Variants in CTIF observed in about 807,000 individuals in gnomAD.
CTIF encodes the protein CBP80/20-dependent translation initiation factor.
A neutral mutation model predicts 66.0 loss-of-function variants in CTIF; 21 were observed. That is an observed-to-expected ratio of 0.32 (90% confidence interval 0.23 to 0.46). The LOEUF (loss-of-function observed/expected upper bound fraction) is 0.46, where lower values mean the gene tolerates loss of function less well. CTIF is among the 20% of genes least tolerant of loss of function. The pLI, the probability that CTIF is intolerant of heterozygous loss-of-function variation, is 1.00. For missense variants in CTIF, 739 were observed against 812.7 expected (o/e 0.91, Z 1.10); for synonymous variants, 345 against 326.4 (o/e 1.06, Z -0.62).
At chr18:48,616,207 G>A (rs1341174625) in intron 1 of CTIF, among the ~76,000 whole-genome samples, 5 of 152,242 alleles carry the variant, frequency 3.3e-5, no homozygotes, top group Admixed American at 1.3e-4. Flanking sequence ...AAGATCTGAC[G>A]TCTTCCAGGA....
intron 9 of CTIF, among the ~76,000 whole-genome samples, chr18:48,796,877 G>C (rs2146190343): frequency 6.6e-6 from 1 of 152,322 alleles, no homozygotes; most frequent in Middle Eastern, 3.4e-3. Flanking sequence ...ACACTGCTTA[G>C]TGAGTCTGGG....
At chr18:48,671,360 G>T (rs2091531579) in intron 6 of CTIF, among the ~76,000 whole-genome samples, 1 of 152,192 alleles carries the variant, frequency 6.6e-6, no homozygotes, top group Non-Finnish European at 1.5e-5. Flanking sequence ...GCCTGCTGCA[G>T]GGGTGTAAAA....
At chr18:48,708,481 G>A (rs2145456727) in intron 6 of CTIF, among the ~76,000 whole-genome samples, 1 of 152,340 alleles carries the variant, frequency 6.6e-6, no homozygotes, top group East Asian at 1.9e-4. Flanking sequence ...CATGCAGGAG[G>A]AGGTTCCCGG....
At chr18:48,724,455 C>T (rs2092368550) in intron 7 of CTIF, among the ~76,000 whole-genome samples, 1 of 152,178 alleles carries the variant, frequency 6.6e-6, no homozygotes, top group Non-Finnish European at 1.5e-5. Context: ...CTGTCTCTGT[C>T]CTGCTCCCAA....
At chr18:48,561,820 C>A (rs1366196953) in intron 1 of CTIF, among the ~76,000 whole-genome samples, 1 of 152,198 alleles carries the variant, frequency 6.6e-6, no homozygotes, top group Non-Finnish European at 1.5e-5. Context: ...TAATTACCCC[C>A]ACTCTATTTT....
chr18:48,846,429 A>G (rs1161678561), intron 10 of CTIF, among the ~76,000 whole-genome samples: 3 of 151,614 alleles, frequency 2.0e-5, no homozygotes, highest in Non-Finnish European at 2.9e-5. Flanking sequence ...TAGATATTTC[A>G]TAAATGTTGC....
At chr18:48,568,639 A>AAAAAAAAG (rs2089335840) in intron 1 of CTIF, among the ~76,000 whole-genome samples, 2 of 66,742 alleles carry the variant, frequency 3.0e-5, no homozygotes, top group Non-Finnish European at 4.8e-5. Context: ...TTTGTAAAAA[A>AAAAAAAAG]AAAAAAAAAA....
At chr18:48,651,214 G>A (rs1312881715) in intron 3 of CTIF, among the ~76,000 whole-genome samples, 3 of 152,134 alleles carry the variant, frequency 2.0e-5, no homozygotes, top group African/African-American at 7.2e-5. Context: ...TGGATAAAGA[G>A]TCAAAACCCA....
intron 1 of CTIF, among the ~76,000 whole-genome samples, chr18:48,604,081 C>A (rs1405599964): frequency 1.3e-5 from 2 of 149,700 alleles, no homozygotes; most frequent in African/African-American, 4.9e-5. Context: ...TGAGCTCAGG[C>A]AATCTGCCCA....
intron 9 of CTIF, among the ~76,000 whole-genome samples, chr18:48,782,489 G>T (rs1159894145): frequency 6.6e-6 from 1 of 152,214 alleles, no homozygotes; most frequent in African/African-American, 2.4e-5. Context: ...TCAGGCAGGA[G>T]CTGGCAGGGG....
chr18:48,765,110 G>A (rs752962587), intron 9 of CTIF, among the ~76,000 whole-genome samples: 1 of 152,220 alleles, frequency 6.6e-6, no homozygotes, highest in Non-Finnish European at 1.5e-5. Context: ...AAAAGAAAGC[G>A]ATGGGCTGGG....
At chr18:48,780,862 G>A (rs1299540602) in intron 9 of CTIF, among the ~76,000 whole-genome samples, 1 of 152,192 alleles carries the variant, frequency 6.6e-6, no homozygotes, top group Admixed American at 6.5e-5. Flanking sequence ...TAGGGCTTAA[G>A]GAGGGGGGCG....
intron 5 of CTIF, among the ~76,000 whole-genome samples, chr18:48,665,636 A>G (rs1158994058): frequency 6.6e-6 from 1 of 152,116 alleles, no homozygotes; most frequent in Non-Finnish European, 1.5e-5. Flanking sequence ...ATCATTCCCC[A>G]TCCCATCACC....
intron 7 of CTIF, among the ~76,000 whole-genome samples, chr18:48,722,621 C>T (rs1161116329): frequency 4.6e-5 from 7 of 151,536 alleles, no homozygotes; most frequent in Admixed American, 1.3e-4. Context: ...AGCACCCGGC[C>T]GTACTCATCG....
intron 10 of CTIF, among the ~76,000 whole-genome samples, chr18:48,828,886 T>C (rs2068635988): frequency 6.6e-6 from 1 of 152,226 alleles, no homozygotes; most frequent in Non-Finnish European, 1.5e-5. Context: ...TTCGCAGCCC[T>C]GGACGGCTTG....
intron 6 of CTIF, among the ~76,000 whole-genome samples, chr18:48,699,531 G>T (rs2092054350): frequency 1.3e-5 from 2 of 152,204 alleles, no homozygotes; most frequent in South Asian, 4.1e-4. Flanking sequence ...AGCTTAGCAG[G>T]TGGTTAGTTG....
intron 2 of CTIF, among the ~76,000 whole-genome samples, chr18:48,621,110 T>C (rs1043854971): frequency 2.0e-5 from 3 of 152,222 alleles, no homozygotes; most frequent in Non-Finnish European, 4.4e-5. Context: ...CCAGGCACTA[T>C]TCTAGGACTC....
intron 1 of CTIF, among the ~76,000 whole-genome samples, chr18:48,582,050 T>C (rs1355161199): frequency 2.0e-5 from 3 of 151,866 alleles, no homozygotes; most frequent in Non-Finnish European, 4.4e-5. Context: ...CTGAGGGACC[T>C]CCTGTGCGAT....
At chr18:48,673,946 G>C (rs540971310) in intron 6 of CTIF, among the ~76,000 whole-genome samples, 2 of 152,186 alleles carry the variant, frequency 1.3e-5, no homozygotes, top group Non-Finnish European at 2.9e-5. Flanking sequence ...AGAAATATCA[G>C]CTCCACTCAG....
Sources: allele counts gnomAD v4.1 joint callset (sites outside exome capture counted in the v4.1 genomes callset), GRCh38; gene constraint gnomAD v4.1.1; transcripts MANE v1.5; gene names NCBI Gene and HGNC (gene_info 2026-07-23, HGNC 2026-07-21).